PIEZO2: variants seen among roughly 807,000 people sequenced by gnomAD.
The protein encoded by PIEZO2 is piezo-type mechanosensitive ion channel component 2.
In PIEZO2, 172 loss-of-function variants were observed where a neutral mutation model predicts 337.3. That is an observed-to-expected ratio of 0.51 (90% CI 0.45 to 0.58). The LOEUF (loss-of-function observed/expected upper bound fraction) is 0.58, where lower values mean the gene tolerates loss of function less well. Ranked by LOEUF, PIEZO2 falls within the 20% of genes least tolerant of loss-of-function variation. PIEZO2 has a pLI of 0.00. For missense variants in PIEZO2, 3,028 were observed against 3,391.3 expected, an observed-to-expected ratio of 0.89 and a Z score of 2.66; for synonymous variants, 1,251 against 1,228.5, an observed-to-expected ratio of 1.02 and a Z score of -0.38.
chr18:10,791,886 T>G (rs911563046), intron 13 of PIEZO2, among the ~76,000 whole-genome samples: 1 of 152,178 alleles, frequency 6.6e-6, no homozygotes, highest in South Asian at 2.1e-4. Flanking sequence ...ATCAAAAACC[T>G]TTTGATTTAG....
intron 2 of PIEZO2, among the ~76,000 whole-genome samples, chr18:11,046,289 C>A (rs2037311378): frequency 6.6e-6 from 1 of 152,224 alleles, no homozygotes; most frequent in South Asian, 2.1e-4. Flanking sequence ...AAGACAGATG[C>A]AGCCCAATCA....
In PIEZO2 at chr18:10,819,540, G is replaced by A. The variant is rs962941981; in HGVS notation, c.918-12266C>T. Among the ~76,000 whole-genome samples, 1 of 152,086 alleles carries A rather than the reference G, an allele frequency of 6.6e-6. No individual in the cohort carries two copies. Among genetic ancestry groups the A allele is most frequent in the East Asian group, 1.9e-4 (1 of 5,192 alleles). The stretch of plus-strand genomic sequence containing the variant: ...TAATGCTGACTGCTCTATCAATGTC[G>A]AACATGTCACTTAACAAAAAATCCA... On this transcript the variant is annotated intron_variant, in intron 7 of 55. Transcript: ENST00000674853. This position sits in a 1 kb window ranked among gnomAD's most constrained non-coding sequence, Gnocchi z 4.3.
In PIEZO2 at chr18:10,750,578, C is replaced by T. The variant is rs2037609047; in HGVS notation, c.4168-391G>A. Among the ~76,000 whole-genome samples the T allele has an allele frequency of 1.3e-5, 2 of 152,130 alleles. No individual in the cohort carries two copies. Among genetic ancestry groups the T allele is most frequent in the Admixed American group, 1.3e-4 (2 of 15,272 alleles). ...CCAGACACATATAACCTATGCTCTT[C>T]CCTGGAGGTCATCCCAGACCTAAGC... is the stretch of plus-strand genomic sequence containing the variant. On this transcript the variant is annotated intron_variant, in intron 28 of 55. Coordinates refer to ENST00000674853, the MANE Select transcript of PIEZO2 (RefSeq NM_001378183.1). This position sits in a 1 kb window ranked among gnomAD's most constrained non-coding sequence, Gnocchi z 4.1.
At chr18:10,690,349 C>T (rs191718793) in intron 48 of PIEZO2, among the ~76,000 whole-genome samples, 40 of 152,264 alleles carry the variant, frequency 2.6e-4, no homozygotes, top group African/African-American at 8.2e-4. Context: ...TTGGCCTGGG[C>T]TCCTCCAGGC....
Position 10,759,768 on chromosome 18 carries a change from G to A in PIEZO2, c.3592C>T (p.Leu1198=). The A allele has an allele frequency of 6.5e-7, 1 of 1,537,338 alleles. No individual in the cohort carries two copies. The part of the protein sequence containing the change: ...AEIWPKYCCF[L]ACIITFQYFI... ...TACTGGAAGGTGATGATGCATGCCA[G>A]GAAGCAGCAGTACTTGGGCCAGATC... Residue 1198 remains leucine (L), a synonymous_variant, in exon 25 of 56, where the codon CTG becomes TTG. Coordinates refer to ENST00000674853, the MANE Select transcript of PIEZO2 (RefSeq NM_001378183.1). The surrounding 1 kb of genome is among the most constrained non-coding windows in gnomAD (Gnocchi z 5.5).
intron 5 of PIEZO2, among the ~76,000 whole-genome samples, chr18:10,867,369 T>C (rs546626337): frequency 1.3e-5 from 2 of 152,324 alleles, no homozygotes; most frequent in South Asian, 2.1e-4. Context: ...GGTCATGTCA[T>C]GTGCTAGAAT....
chr18:10,714,381 G>C (rs1394843581), intron 39 of PIEZO2, among the ~76,000 whole-genome samples: 2 of 152,158 alleles, frequency 1.3e-5, no homozygotes, highest in East Asian at 3.9e-4. Flanking sequence ...ATCAAGGATA[G>C]CAACAGAAGT....
intron 33 of PIEZO2, 68 bp downstream of exon 33, chr18:10,740,963 G>C: frequency 1.4e-6 from 2 of 1,441,550 alleles, no homozygotes; most frequent in Non-Finnish European, 1.9e-6. Context: ...TCACGGGAAC[G>C]CCTGAATTCT....
chr18:10,688,122 C>A (rs905431216), intron 49 of PIEZO2, among the ~76,000 whole-genome samples: 12 of 152,148 alleles, frequency 7.9e-5, no homozygotes, highest in African/African-American at 2.7e-4. Flanking sequence ...GCCCCCCATG[C>A]GTTAGGTATT....
chr18:10,991,449 C>T (rs1332495511), intron 2 of PIEZO2, among the ~76,000 whole-genome samples: 2 of 126,226 alleles, frequency 1.6e-5, no homozygotes, highest in African/African-American at 6.0e-5. Flanking sequence ...TCTCATTGTT[C>T]AACTCCTACT....
intron 44 of PIEZO2, among the ~76,000 whole-genome samples, chr18:10,698,265 AG>A (rs1486340859): frequency 6.6e-6 from 1 of 152,240 alleles, no homozygotes; most frequent in Non-Finnish European, 1.5e-5. Flanking sequence ...CTGCCTCAAA[AG>A]CAGGTTCTGA....
Position 11,002,761 on chromosome 18 carries a change from A to G in PIEZO2, c.161-23101T>C, listed in dbSNP as rs1156900614. On this transcript the variant is annotated intron_variant, in intron 2 of 55. Transcript: ENST00000674853. The surrounding 1 kb of genome is among the most constrained non-coding windows in gnomAD (Gnocchi z 4.3). ...CTGTGTAAGCACACAATTCCCTGCT[A>G]AAGTCTGAAAAGCTGAACTATGGAA... 1.3e-5 allele frequency among the ~76,000 whole-genome samples: 2 copies of G among 152,244 alleles called. No homozygotes were observed. The highest frequency in any genetic ancestry group is 2.1e-4 in the South Asian group (1 of 4,832).
chr18:11,020,186 T>C (rs952196755), intron 2 of PIEZO2, among the ~76,000 whole-genome samples: 1 of 152,202 alleles, frequency 6.6e-6, no homozygotes, highest in African/African-American at 2.4e-5. Context: ...AGAGACCACT[T>C]TTAAAAGATG....
rs1242907179 is a variant in PIEZO2 at position 10,731,424 on chromosome 18, C to T, written c.5012G>A (p.Arg1671Gln). 69 of 1,534,554 alleles carry T rather than the reference C, an allele frequency of 4.5e-5. No individual in the cohort carries two copies. The highest frequency in any genetic ancestry group is 1.4e-4 in the African/African-American group (10 of 72,804). The change falls in exon 36 of 56, where the codon CGG (arginine) becomes CAG (glutamine). Residue 1671 changes from arginine (R) to glutamine (Q), a missense_variant. Physicochemically the swap from Arg to Gln is conservative, Grantham distance 43. Transcript: ENST00000674853. ...CCACTCACCCTCCTTGGATCCTTTCCGCCTTCGTTTCCGTTCTTCTCTTGC... is the reference window on the plus strand; with the variant it reads ...CCACTCACCCTCCTTGGATCCTTTCTGCCTTCGTTTCCGTTCTTCTCTTGC... ...RSAREERKRR[R>Q]KGSKEGPVEW...
At chr18:11,034,442 G>A (rs899384159) in intron 2 of PIEZO2, among the ~76,000 whole-genome samples, 1 of 151,906 alleles carries the variant, frequency 6.6e-6, no homozygotes, top group Non-Finnish European at 1.5e-5. Context: ...ACAGGCGCCC[G>A]CCACCACGCC....
At chr18:11,034,485 G>T (rs796163675) in intron 2 of PIEZO2, among the ~76,000 whole-genome samples, 1 of 151,950 alleles carries the variant, frequency 6.6e-6, no homozygotes, top group Non-Finnish European at 1.5e-5. Flanking sequence ...AGTAGAGATG[G>T]GGTTTCGCCG....
At chr18:10,809,244 T>C (rs2040098735) in intron 7 of PIEZO2, among the ~76,000 whole-genome samples, 1 of 120,092 alleles carries the variant, frequency 8.3e-6, no homozygotes, top group South Asian at 2.8e-4. Flanking sequence ...AACCTAAGAT[T>C]TCTCTCTCTC....
chr18:11,133,235 T>G (rs1226659566), intron 1 of PIEZO2, among the ~76,000 whole-genome samples: 1 of 152,352 alleles, frequency 6.6e-6, no homozygotes, highest in Admixed American at 6.5e-5. Context: ...ATATCAGCAT[T>G]TAAGTATTGT....
rs1306561153 is a variant in PIEZO2 at position 10,766,802 on chromosome 18, A to T, written c.2946+3346T>A. On this transcript the variant is annotated intron_variant, in intron 21 of 55. Transcript: ENST00000674853. The surrounding 1 kb of genome is among the most constrained non-coding windows in gnomAD (Gnocchi z 6.1). ...CATCAGGCTGTGAGCTCAGACAAGA[A>T]GTGTGTCTTTCAAGCTACTACACTA... 6.6e-6 allele frequency among the ~76,000 whole-genome samples: 1 copy of T among 152,224 alleles called. No homozygotes were observed. Among genetic ancestry groups the T allele is most frequent in the Non-Finnish European group, 1.5e-5 (1 of 68,024 alleles).
Sources: gnomAD v4.1 joint callset for allele counts (sites outside exome capture counted in the v4.1 genomes callset) on GRCh38, gnomAD v4.1.1 for gene constraint, Gnocchi (gnomAD v3.1) non-coding constraint, MANE v1.5 for transcripts, NCBI Gene and HGNC (gene_info 2026-07-23, HGNC 2026-07-21) for gene names.